DDX20: variants seen among roughly 807,000 people sequenced by gnomAD.
The protein encoded by DDX20 is probable ATP-dependent RNA helicase DDX20.
Under a neutral mutation model 76.4 loss-of-function variants are expected in DDX20, and 61 were observed. The observed-to-expected ratio is 0.80, with a 90% CI of 0.65 to 0.99. The LOEUF (loss-of-function observed/expected upper bound fraction) is 0.99, where lower values mean the gene tolerates loss of function less well. Ranked by LOEUF, DDX20 falls within the 50% of genes least tolerant of loss-of-function variation. The pLI is 0.00. For synonymous variants in DDX20, 357 were observed against 357.4 expected (o/e 1.00, Z 0.01); for missense variants, 976 against 996.8 (o/e 0.98, Z 0.28).
In DDX20 at chr1:111,762,303, A is replaced by G. The variant is rs1210789656; in HGVS notation, c.1070A>G (p.His357Arg). The G allele has an allele frequency of 1.2e-6, 2 of 1,613,462 alleles. No individual in the cohort carries two copies. The highest frequency in any genetic ancestry group is 2.7e-5 in the African/African-American group (2 of 74,932). Residue 357 changes from histidine to arginine, a missense_variant, in exon 8 of 11, where the codon CAC becomes CGC. Transcript: ENST00000369702. ...CTTGATGCTATGGCTAAACTGAAGC[A>G]CTTTCATTGCAGAGTCCTCATTTCC... ...QRLDAMAKLK[H>R]FHCRVLISTD...
intron 3 of DDX20, among the ~76,000 whole-genome samples, chr1:111,760,195 G>GA (rs776934467): frequency 1.2e-4 from 19 of 152,094 alleles, no homozygotes; most frequent in Non-Finnish European, 2.6e-4. Flanking sequence ...ATTTGGTTGC[G>GA]AATCACTCAG....
intron 6 of DDX20, 40 bp from the exon 7 acceptor site, chr1:111,761,186 A>G: frequency 1.9e-6 from 3 of 1,611,712 alleles, no homozygotes; most frequent in South Asian, 2.2e-5. Flanking sequence ...TCATGGGGCA[A>G]TATTTGTAAA....
chr1:111,758,605 C>T (rs898416618), intron 2 of DDX20, among the ~76,000 whole-genome samples: 5 of 152,022 alleles, frequency 3.3e-5, no homozygotes, highest in Non-Finnish European at 7.4e-5. Context: ...TTTGCTGTTT[C>T]CTCTTGGTGA....
intron 3 of DDX20, among the ~76,000 whole-genome samples, chr1:111,759,775 C>G (rs1319800954): frequency 6.6e-6 from 1 of 151,586 alleles, no homozygotes; most frequent in East Asian, 1.9e-4. Context: ...GAGATCGAGA[C>G]CATCCTGGCT....
At chr1:111,758,623 T>A (rs1663612766) in intron 2 of DDX20, among the ~76,000 whole-genome samples, 1 of 152,090 alleles carries the variant, frequency 6.6e-6, no homozygotes, top group Non-Finnish European at 1.5e-5. Context: ...TGAAAACGCT[T>A]CCCCAGGGGT....
In DDX20 at chr1:111,756,111, G is replaced by C; in HGVS notation, c.187G>C (p.Asp63His). The change falls in exon 1 of 11, where the codon GAC becomes CAC. Residue 63 changes from aspartate (D) to histidine (H), a missense_variant. By Grantham distance (81) the Asp-to-His change is moderately conservative. Around this residue, in one of 3 missense-constraint regions of DDX20, gnomAD observed 343 missense variants for 286.4 expected, o/e 1.20. Transcript: ENST00000369702. ...TGDVLLAEPA[D>H]FESLLLSRPV... is the part of the protein sequence containing the mutation. ...GGATGTGCTGTTGGCGGAGCCGGCC[G>C]ACTTCGAGTCACTGCTGCTTTCGCG... The C allele has an allele frequency of 6.3e-7, 1 of 1,597,042 alleles. No homozygotes were observed. Among genetic ancestry groups the C allele is most frequent in the East Asian group, 2.2e-5 (1 of 44,692 alleles).
In DDX20 at chr1:111,762,982, T is replaced by G; in HGVS notation, c.1287T>G (p.Cys429Trp). 1 of 1,613,652 alleles carries G rather than the reference T, an allele frequency of 6.2e-7. No homozygotes were observed. The highest frequency in any genetic ancestry group is 8.5e-7 in the Non-Finnish European group (1 of 1,179,546). The change falls in exon 10 of 11, where the codon TGT (cysteine) becomes TGG (tryptophan). Residue 429 changes from cysteine to tryptophan, a missense_variant. This residue lies in a region of DDX20 where 630 missense variants were observed against 693.7 expected (regional missense o/e 0.91). Coordinates refer to ENST00000369702, the MANE Select transcript of DDX20 (RefSeq NM_007204.5). ...ENMMMRIAQK[C>W]NINLLPLPDP... is the part of the protein sequence containing the mutation. ...TGATGATGAGAATTGCCCAGAAATG[T>G]AATATCAACCTTCTCCCTTTACCAG...
In DDX20 at chr1:111,756,070, C is replaced by G. The variant is rs1264521805; in HGVS notation, c.146C>G (p.Pro49Arg). The G allele has an allele frequency of 2.5e-6, 4 of 1,607,112 alleles. No homozygotes were observed. The highest frequency in any genetic ancestry group is 1.7e-5 in the Admixed American group (1 of 59,888). ...ILRTAQDLSS[P>R]RTRTGDVLLA... is the part of the protein sequence containing the mutation. ...CGGACCGCTCAGGATCTCAGCAGCC[C>G]GCGGACCCGCACGGGGGATGTGCTG... The change falls in exon 1 of 11, where the codon CCG becomes CGG. Residue 49 changes from proline to arginine, a missense_variant. By Grantham distance (103) the Pro-to-Arg change is moderately radical (BLOSUM62 -2). Transcript: ENST00000369702.
chr1:111,756,939 C>T (rs753145825), intron 2 of DDX20, among the ~76,000 whole-genome samples, 199 bp downstream of exon 2: 4 of 152,176 alleles, frequency 2.6e-5, no homozygotes, highest in Admixed American at 2.0e-4. Flanking sequence ...AATTTTGTCA[C>T]TACTTGGTAA....
At position 111,756,117 on chromosome 1, in the gene DDX20, G is replaced by T; in HGVS notation, c.193G>T (p.Glu65Ter). The T allele has an allele frequency of 1.3e-6, 2 of 1,595,210 alleles. No individual in the cohort carries two copies. The highest frequency in any genetic ancestry group is 1.7e-6 in the Non-Finnish European group (2 of 1,177,688). ...GCTGTTGGCGGAGCCGGCCGACTTC[G>T]AGTCACTGCTGCTTTCGCGGCCGGT... ...DVLLAEPADF[E>*]SLLLSRPVLE... is the part of the protein sequence containing the mutation. The change falls in exon 1 of 11, where the codon GAG becomes TAG. Residue 65 changes from glutamate to a stop codon, truncating the protein, a stop_gained. Coordinates refer to ENST00000369702, the MANE Select transcript of DDX20 (RefSeq NM_007204.5). LOFTEE classifies it high-confidence loss of function.
Position 111,767,017 on chromosome 1 carries a change from C to A in DDX20, c.*118C>A. 1.3e-6 allele frequency: 1 copy of A among 762,046 alleles called. No homozygotes were observed. Among genetic ancestry groups the A allele is most frequent in the Non-Finnish European group, 2.0e-6 (1 of 491,694 alleles). 47.2% of individuals were successfully genotyped at this position (762,046 alleles called of 1,614,324 possible). ...GGCATTTCTGATAAACTTGAAAAGA[C>A]TTGAGTCTTTCCACTGGGACACATC... On this transcript the variant is annotated 3_prime_UTR_variant, in exon 11 of 11. Coordinates refer to ENST00000369702, the MANE Select transcript of DDX20 (RefSeq NM_007204.5).
intron 4 of DDX20, 56 bp downstream of exon 4, chr1:111,760,644 A>C (rs1663654349): frequency 6.3e-7 from 1 of 1,599,600 alleles, no homozygotes; most frequent in Non-Finnish European, 8.5e-7. Flanking sequence ...ATCTATCTTT[A>C]GCTTTTCCAA....
chr1:111,761,367 G>A lies in DDX20; in HGVS notation c.1021+83G>A, dbSNP rs1663672227. ...TCAGGAGGAAAAAATACCACTTTAT[G>A]AGTTGTCTTGAGAGTGTGAAATTAT... is the stretch of plus-strand genomic sequence containing the variant. On this transcript the variant is annotated intron_variant, in intron 7 of 10. Transcript: ENST00000369702. 2.8e-6 allele frequency: 3 copies of A among 1,089,700 alleles called. No individual in the cohort carries two copies. In the Admixed American group the frequency reaches 6.7e-5, roughly 24 times the overall value. 67.5% of individuals were successfully genotyped at this position (1,089,700 alleles called of 1,614,324 possible).
In DDX20 at chr1:111,761,216, T is replaced by C. The variant is rs779714618; in HGVS notation, c.963-10T>C. ...TGTAAATTTGTAACCATTTATGTTA[T>C]ATTTCATAGAGCACAACATTTGGCT... On this transcript the variant is annotated splice_polypyrimidine_tract_variant and intron_variant, in intron 6 of 10. Coordinates refer to ENST00000369702, the MANE Select transcript of DDX20 (RefSeq NM_007204.5). The C allele has an allele frequency of 3.7e-6, 6 of 1,612,920 alleles. No individual in the cohort carries two copies. The highest frequency in any genetic ancestry group is 2.2e-5 in the East Asian group (1 of 44,804).
At chr1:111,763,432 C>T (rs1436897587) in intron 10 of DDX20, among the ~76,000 whole-genome samples, 5 of 151,960 alleles carry the variant, frequency 3.3e-5, no homozygotes, top group East Asian at 1.9e-4. Flanking sequence ...ATTAGCTGGG[C>T]GTGGTGGCAG....
rs1415252937 is a variant in DDX20 at position 111,760,704 on chromosome 1, A to T, written c.681-2A>T. The T allele has an allele frequency of 2.5e-6, 4 of 1,606,028 alleles. No individual in the cohort carries two copies. Among genetic ancestry groups the T allele is most frequent in the Non-Finnish European group, 3.4e-6 (4 of 1,177,694 alleles). ...TACATGGTATCTGTTTTTATTTTGC[A>T]GTTGGATTTATTCTTCCTTGCCTGC... On this transcript the variant is annotated splice_acceptor_variant, in intron 4 of 10. Coordinates refer to ENST00000369702, the MANE Select transcript of DDX20 (RefSeq NM_007204.5). LOFTEE classifies it high-confidence loss of function.
At chr1:111,758,998 T>C (rs1020512109) in intron 2 of DDX20, among the ~76,000 whole-genome samples, 3 of 152,054 alleles carry the variant, frequency 2.0e-5, no homozygotes, top group Non-Finnish European at 4.4e-5. Flanking sequence ...CAACTGTGGA[T>C]CAAAATACTC....
intron 10 of DDX20, among the ~76,000 whole-genome samples, chr1:111,764,857 AT>A (rs1353451934): frequency 6.6e-6 from 1 of 152,248 alleles, no homozygotes; most frequent in East Asian, 1.9e-4. Flanking sequence ...TAGGAGGGAA[AT>A]TGGCCTGTAT....
intron 3 of DDX20, among the ~76,000 whole-genome samples, chr1:111,759,898 C>T (rs1040240229): frequency 1.0e-4 from 15 of 144,840 alleles, no homozygotes; most frequent in Non-Finnish European, 2.1e-4. Flanking sequence ...GGCGTGAACC[C>T]GGGAGGCGGA....
Sources: gnomAD v4.1 joint callset for allele counts (sites outside exome capture counted in the v4.1 genomes callset) on GRCh38, gnomAD v4.1.1 for gene constraint, gnomAD v4.1.1 regional missense constraint, MANE v1.5 for transcripts, NCBI Gene and HGNC (gene_info 2026-07-23, HGNC 2026-07-21) for gene names.